Variants in SLC2A9 observed in about 807,000 individuals in gnomAD.
SLC2A9 encodes the protein solute carrier family 2 member 9.
Under a neutral mutation model 50.6 loss-of-function variants are expected in SLC2A9, and 39 were observed. The ratio of observed to expected loss-of-function variants is 0.77; its 90% CI spans 0.60 to 1.01. The LOEUF (loss-of-function observed/expected upper bound fraction) is 1.01, where lower values mean the gene tolerates loss of function less well. SLC2A9 is among the 50% of genes least tolerant of loss of function. The pLI is 0.00. For synonymous variants in SLC2A9, 324 were observed against 276.9 expected, an observed-to-expected ratio of 1.17 and a Z score of -1.69; for missense variants, 686 against 677.6, an observed-to-expected ratio of 1.01 and a Z score of -0.14.
intron 10 of SLC2A9, among the ~76,000 whole-genome samples, chr4:9,857,141 G>A (rs957102340): frequency 6.6e-6 from 1 of 152,156 alleles, no homozygotes; most frequent in South Asian, 2.1e-4. Flanking sequence ...CTCTGTATGG[G>A]TGCTGGAGTT....
chr4:9,921,563 T>C (rs935678626), intron 6 of SLC2A9, among the ~76,000 whole-genome samples: 1 of 152,218 alleles, frequency 6.6e-6, no homozygotes, highest in Admixed American at 6.5e-5. Flanking sequence ...CGTGTGAAAA[T>C]GCTCTTCTTA....
intron 3 of SLC2A9, chr4:9,782,110 G>T: frequency 1.3e-6 from 2 of 1,546,486 alleles, no homozygotes; most frequent in East Asian, 2.3e-5. Flanking sequence ...GGAACGCCGT[G>T]GGGGGCTCGG....
At chr4:9,830,999 GCC>G (rs1726041955) in intron 11 of SLC2A9, among the ~76,000 whole-genome samples, 6 of 152,194 alleles carry the variant, frequency 3.9e-5, no homozygotes, top group African/African-American at 7.2e-5. Flanking sequence ...CATGCTCAGG[GCC>G]CTCCGCTAAT....
intron 6 of SLC2A9, among the ~76,000 whole-genome samples, chr4:9,931,926 C>CTCTCTCTCTCTCTCTA (rs1746025481): frequency 3.1e-5 from 1 of 32,440 alleles, no homozygotes; most frequent in Non-Finnish European, 4.9e-5. Context: ...CTCTCTCTCT[C>CTCTCTCTCTCTCTCTA]TCTCTCTCTC....
At chr4:10,034,036 C>A (rs1764019722) in intron 1 of SLC2A9, among the ~76,000 whole-genome samples, 1 of 152,232 alleles carries the variant, frequency 6.6e-6, no homozygotes, top group Non-Finnish European at 1.5e-5. Flanking sequence ...CCCCCAGCAC[C>A]CACCAATCTT....
chr4:9,906,228 G>A (rs1311396445), intron 8 of SLC2A9, among the ~76,000 whole-genome samples: 1 of 152,162 alleles, frequency 6.6e-6, no homozygotes, highest in Non-Finnish European at 1.5e-5. Context: ...GGGTCACGCG[G>A]CTAATAAAAA....
At chr4:9,777,820 T>C (rs1419549415), downstream of SLC2A9, among the ~76,000 whole-genome samples, 2 of 152,204 alleles carry the variant, frequency 1.3e-5, no homozygotes, top group Admixed American at 6.5e-5. Flanking sequence ...CCCAGGGCTC[T>C]CCTGGAACAC....
intron 6 of SLC2A9, among the ~76,000 whole-genome samples, chr4:9,923,340 C>G (rs1311892322): frequency 6.6e-6 from 1 of 152,226 alleles, no homozygotes; most frequent in Non-Finnish European, 1.5e-5. Context: ...CAGGTGCATA[C>G]TCCACTTGTT....
At chr4:9,805,660 C>A (rs1722016418) in intron 3 of SLC2A9, among the ~76,000 whole-genome samples, 1 of 148,822 alleles carries the variant, frequency 6.7e-6, no homozygotes, top group Admixed American at 6.7e-5. Context: ...CGCACCACTG[C>A]ACTTCAGCCT....
intron 10 of SLC2A9, among the ~76,000 whole-genome samples, chr4:9,844,524 G>C (rs1387292611): frequency 6.6e-6 from 1 of 152,152 alleles, no homozygotes; most frequent in Non-Finnish European, 1.5e-5. Flanking sequence ...ATTCCTAATA[G>C]TTATACTTAG....
chr4:9,775,407 A>C (rs950254769), downstream of SLC2A9, among the ~76,000 whole-genome samples: 18 of 152,168 alleles, frequency 1.2e-4, no homozygotes, highest in African/African-American at 4.1e-4. Flanking sequence ...GCAGCAAGAA[A>C]GGGGACCTGG....
At chr4:9,819,858 C>T (rs1055184348) in intron 3 of SLC2A9, among the ~76,000 whole-genome samples, 2 of 151,990 alleles carry the variant, frequency 1.3e-5, no homozygotes, top group Non-Finnish European at 2.9e-5. Flanking sequence ...CGCTTGAACC[C>T]GGGAGGCAGA....
At chr4:10,000,523 T>A (rs1759592789) in intron 2 of SLC2A9, among the ~76,000 whole-genome samples, 3 of 152,200 alleles carry the variant, frequency 2.0e-5, no homozygotes, top group Non-Finnish European at 4.4e-5. Flanking sequence ...TGCCATCTGG[T>A]TGCTTCACTC....
chr4:9,829,060 T>C (rs568881189), intron 11 of SLC2A9, among the ~76,000 whole-genome samples: 1 of 152,284 alleles, frequency 6.6e-6, no homozygotes, highest in East Asian at 1.9e-4. Context: ...CCAAGGGACC[T>C]GATGGGTGTC....
intron 6 of SLC2A9, among the ~76,000 whole-genome samples, chr4:9,938,908 T>A (rs771615263): frequency 6.6e-6 from 1 of 152,014 alleles, no homozygotes; most frequent in Non-Finnish European, 1.5e-5. Flanking sequence ...CACTATGAAC[T>A]GGGGGTGGGG....
At chr4:9,862,374 G>A (rs1386883737) in intron 10 of SLC2A9, among the ~76,000 whole-genome samples, 3 of 152,016 alleles carry the variant, frequency 2.0e-5, no homozygotes, top group African/African-American at 7.3e-5. Flanking sequence ...AACATTTACT[G>A]TTCTTTCTCG....
intron 5 of SLC2A9, among the ~76,000 whole-genome samples, chr4:9,946,067 T>C (rs1334939316): frequency 1.3e-5 from 2 of 152,176 alleles, no homozygotes; most frequent in African/African-American, 2.4e-5. Flanking sequence ...GATGAGTCTT[T>C]GTGGTGTCGG....
At chr4:10,013,194 T>A (rs1005872669) in intron 2 of SLC2A9, among the ~76,000 whole-genome samples, 2 of 152,190 alleles carry the variant, frequency 1.3e-5, no homozygotes, top group Non-Finnish European at 2.9e-5. Flanking sequence ...TTCTCTGCCA[T>A]CTGGGGGAAG....
chr4:9,783,224 G>A, intron 3 of SLC2A9: 1 of 1,614,198 alleles, frequency 6.2e-7, no homozygotes, highest in Non-Finnish European at 8.5e-7. Flanking sequence ...CTACAACCAA[G>A]ACATCGTCTT....
Sources: allele counts gnomAD v4.1 joint callset (sites outside exome capture counted in the v4.1 genomes callset), GRCh38; gene constraint gnomAD v4.1.1; transcripts MANE v1.5; gene names NCBI Gene and HGNC (gene_info 2026-07-23, HGNC 2026-07-21).